The following SV2C variants were observed in gnomAD, a reference collection of about 807,000 sequenced individuals.
The protein encoded by SV2C is synaptic vesicle glycoprotein 2C, also known as solute carrier family 22 member B3.
A neutral mutation model predicts 79.7 loss-of-function variants in SV2C; 49 were observed. The observed-to-expected ratio is 0.61, with a 90% confidence interval of 0.49 to 0.78. SV2C has a LOEUF of 0.78. Ranked by LOEUF, SV2C falls within the 30% of genes least tolerant of loss-of-function variation. SV2C has a pLI of 0.00. For missense variants in SV2C, 833 were observed against 912.9 expected (o/e 0.91, Z 1.13); for synonymous variants, 334 against 333.2 (o/e 1.00, Z -0.03).
At chr5:76,007,097 A>G in the SV2C span, among the ~76,000 whole-genome samples, 1 of 152,182 alleles carries the variant, frequency 6.6e-6, no homozygotes, top group African/African-American at 2.4e-5. Context: ...AGAATTACAC[A>G]GCCAGCGAGT....
At chr5:75,852,980 C>G in the SV2C span, among the ~76,000 whole-genome samples, 2,284 of 152,138 alleles carry the variant, frequency 0.015, 73 homozygotes, top group African/African-American at 0.053. Flanking sequence ...AATTTAAAAA[C>G]TTACCTAAGT....
the SV2C span, among the ~76,000 whole-genome samples, chr5:75,991,607 A>C: frequency 6.8e-6 from 1 of 148,080 alleles, no homozygotes; most frequent in African/African-American, 2.5e-5. Flanking sequence ...ATATATATGG[A>C]TACATATATG....
At chr5:76,277,629 G>A (rs946513963) in intron 4 of SV2C, among the ~76,000 whole-genome samples, 7 of 152,100 alleles carry the variant, frequency 4.6e-5, no homozygotes, top group Non-Finnish European at 8.8e-5. Context: ...AGCCGGGCAT[G>A]GTGGCGCTTG....
At chr5:75,880,191 T>G in the SV2C span, among the ~76,000 whole-genome samples, 11 of 151,954 alleles carry the variant, frequency 7.2e-5, no homozygotes, top group African/African-American at 2.7e-4. Flanking sequence ...TCAATGCCTT[T>G]TTTTTTTTCA....
At chr5:75,883,793 T>A in the SV2C span, among the ~76,000 whole-genome samples, 2 of 150,376 alleles carry the variant, frequency 1.3e-5, no homozygotes, top group Non-Finnish European at 2.9e-5. Flanking sequence ...CATATGTAAC[T>A]AACCTGCACA....
the SV2C span, among the ~76,000 whole-genome samples, chr5:76,039,742 G>A: frequency 1.5e-5 from 2 of 136,668 alleles, no homozygotes; most frequent in Non-Finnish European, 3.1e-5. Context: ...GGCAACAAGA[G>A]TGGAACTCCA....
chr5:76,010,001 T>TTTG, the SV2C span, among the ~76,000 whole-genome samples: 3 of 148,590 alleles, frequency 2.0e-5, no homozygotes, highest in African/African-American at 7.4e-5. Context: ...GTTTTTTTTT[T>TTTG]TTTTTTTTTT....
At chr5:76,077,057 T>A in the SV2C span, among the ~76,000 whole-genome samples, 6 of 152,306 alleles carry the variant, frequency 3.9e-5, no homozygotes, top group South Asian at 1.0e-3. Context: ...TTTTACCATT[T>A]AGCAAAACCC....
At chr5:76,155,738 C>A (rs1742702141) in intron 2 of SV2C, among the ~76,000 whole-genome samples, 1 of 151,916 alleles carries the variant, frequency 6.6e-6, no homozygotes, top group Non-Finnish European at 1.5e-5. Flanking sequence ...ACTGCCCCAC[C>A]ACCACTGAGA....
chr5:76,315,669 C>G (rs1441648810), intron 12 of SV2C, among the ~76,000 whole-genome samples: 1 of 152,060 alleles, frequency 6.6e-6, no homozygotes, highest in African/African-American at 2.4e-5. Context: ...AACTGAGTAA[C>G]AGTTGGAAGA....
the SV2C span, among the ~76,000 whole-genome samples, chr5:75,881,479 G>A: frequency 6.6e-6 from 1 of 152,090 alleles, no homozygotes; most frequent in African/African-American, 2.4e-5. Context: ...TTCTTGAGCA[G>A]TGGTTTGTAG....
At chr5:76,142,589 T>G (rs1749290264) in intron 2 of SV2C, among the ~76,000 whole-genome samples, 1 of 152,232 alleles carries the variant, frequency 6.6e-6, no homozygotes, top group Admixed American at 6.5e-5. Context: ...AGCATTTGAA[T>G]GTATCCAGTC....
intron 4 of SV2C, among the ~76,000 whole-genome samples, chr5:76,257,618 A>G (rs576962985): frequency 6.2e-5 from 9 of 145,112 alleles, no homozygotes; most frequent in African/African-American, 2.3e-4. Context: ...AGCAGATGGT[A>G]GTGTGTGTGG....
At chr5:76,177,537 T>G (rs907869407) in intron 2 of SV2C, among the ~76,000 whole-genome samples, 4 of 152,200 alleles carry the variant, frequency 2.6e-5, no homozygotes. Flanking sequence ...AAATATGGTA[T>G]TTCTGTCTCT....
intron 2 of SV2C, among the ~76,000 whole-genome samples, chr5:76,179,622 G>A (rs1204918531): frequency 6.6e-6 from 1 of 152,210 alleles, no homozygotes; most frequent in Non-Finnish European, 1.5e-5. Flanking sequence ...TGACAGTTTG[G>A]GATCGAGGAG....
chr5:76,075,913 G>A, the SV2C span: 1 of 220,144 alleles, frequency 4.5e-6, no homozygotes, highest in Non-Finnish European at 9.9e-6. Context: ...CAGGGCACAT[G>A]AGACCATATT....
the SV2C span, among the ~76,000 whole-genome samples, chr5:76,007,022 A>G: frequency 6.6e-6 from 1 of 152,130 alleles, no homozygotes; most frequent in Non-Finnish European, 1.5e-5. Context: ...TGTAAGTACT[A>G]AAATTATTCC....
chr5:76,293,621 C>G (rs530624706), intron 8 of SV2C, among the ~76,000 whole-genome samples: 17 of 152,068 alleles, frequency 1.1e-4, no homozygotes, highest in Admixed American at 1.1e-3. Context: ...AATGTTGTAC[C>G]CCTAAGTCAT....
the SV2C span, among the ~76,000 whole-genome samples, chr5:75,957,449 T>G: frequency 7.9e-5 from 12 of 152,188 alleles, no homozygotes; most frequent in South Asian, 1.4e-3. Context: ...GCACAACCTT[T>G]TGACATGCAG....
Sources: gnomAD v4.1 joint callset for allele counts (sites outside exome capture counted in the v4.1 genomes callset) on GRCh38, gnomAD v4.1.1 for gene constraint, MANE v1.5 for transcripts, NCBI Gene and HGNC (gene_info 2026-07-23, HGNC 2026-07-21) for gene names.